The following ITGAV variants were observed in gnomAD, a reference collection of about 807,000 sequenced individuals.
ITGAV encodes the protein integrin subunit alpha V.
In ITGAV, 76 loss-of-function variants were observed where a neutral mutation model predicts 143.8. The ratio of observed to expected loss-of-function variants is 0.53; its 90% CI spans 0.44 to 0.64. The LOEUF (loss-of-function observed/expected upper bound fraction) is 0.64, where lower values mean the gene tolerates loss of function less well. Ranked by LOEUF, ITGAV falls within the 30% of genes least tolerant of loss-of-function variation. ITGAV has a pLI of 0.00. For missense variants in ITGAV, 1,193 were observed against 1,274.7 expected (o/e 0.94, Z 0.98); for synonymous variants, 453 against 446.7 (o/e 1.01, Z -0.18).
At chr2:186,661,574 A>C (rs887602580) in intron 18 of ITGAV, among the ~76,000 whole-genome samples, 1 of 149,008 alleles carries the variant, frequency 6.7e-6, no homozygotes, top group African/African-American at 2.5e-5. Flanking sequence ...TCATTCAAAT[A>C]CACATTAAGT....
rs563341922 is a variant in ITGAV at position 186,610,259 on chromosome 2, G to A, written c.316+8108G>A. Among the ~76,000 whole-genome samples, 12 of 152,172 alleles carry A rather than the reference G, an allele frequency of 7.9e-5. No homozygotes were observed. The South Asian group carries it at 8.3e-4, about 11-fold the overall frequency. The stretch of plus-strand genomic sequence containing the variant: ...ACAATCCAGGATAGAAAAGTTACTC[G>A]CTGCTTTGATTTTTGAATAATATTT... On this transcript the variant is annotated intron_variant, in intron 2 of 29. Transcript: ENST00000261023.
intron 1 of ITGAV, chr2:186,600,298 T>TCCCCCCC: frequency 2.0e-6 from 3 of 1,528,530 alleles, no homozygotes; most frequent in South Asian, 1.2e-5. Flanking sequence ...ACTTCCCTCA[T>TCCCCCCC]CCCCACCCCC....
intron 2 of ITGAV, among the ~76,000 whole-genome samples, chr2:186,606,811 C>G (rs929365816): frequency 6.6e-6 from 1 of 151,972 alleles, no homozygotes; most frequent in Non-Finnish European, 1.5e-5. Context: ...GTTGTGGCAC[C>G]GACCCAACCC....
intron 18 of ITGAV, among the ~76,000 whole-genome samples, chr2:186,661,713 C>T (rs1688751343): frequency 6.6e-6 from 1 of 151,742 alleles, no homozygotes; most frequent in African/African-American, 2.4e-5. Flanking sequence ...TACCCTGCCT[C>T]AGCCTCCTGA....
Position 186,659,171 on chromosome 2 carries a change from G to A in ITGAV, c.1853G>A (p.Arg618Gln), listed in dbSNP as rs745538827. The A allele has an allele frequency of 5.6e-6, 9 of 1,602,370 alleles. No homozygotes were observed. Among genetic ancestry groups the A allele is most frequent in the South Asian group, 2.3e-5 (2 of 88,836 alleles). ...LNQFTPANIS[R>Q]QAHILLDCGE... The stretch of plus-strand genomic sequence containing the variant: ...CAGTTCACGCCTGCTAACATTAGTC[G>A]ACAGGTACTGTACTCAGTTTACCAC... The change falls in exon 18 of 30, where the codon CGA becomes CAA. Residue 618 changes from arginine (R) to glutamine (Q), a missense_variant. Transcript: ENST00000261023.
rs1687941881 is a variant in ITGAV at position 186,636,165 on chromosome 2, G to A, written c.715G>A (p.Ala239Thr). 1 of 1,612,724 alleles carries A rather than the reference G, an allele frequency of 6.2e-7. No homozygotes were observed. The highest frequency in any genetic ancestry group is 1.3e-5 in the African/African-American group (1 of 74,862). Residue 239 changes from alanine (A) to threonine (T), a missense_variant, in exon 7 of 30, where the codon GCA becomes ACA. Physicochemically the swap from Ala to Thr is moderately conservative, Grantham distance 58. Coordinates refer to ENST00000261023, the MANE Select transcript of ITGAV (RefSeq NM_002210.5). ...VYSIKYNNQLATRTAQAIFDD... is the reference protein window; with the variant it reads ...VYSIKYNNQLTTRTAQAIFDD... Reference sequence around the variant, plus strand: ...CAGCATCAAGTATAATAACCAATTAGCAACTCGGACTGCACAAGCTATTTT... The same window carrying A: ...CAGCATCAAGTATAATAACCAATTAACAACTCGGACTGCACAAGCTATTTT...
intron 26 of ITGAV, 66 bp from the exon 27 acceptor site, chr2:186,675,538 A>G (rs1689183160): frequency 7.0e-6 from 9 of 1,278,118 alleles, no homozygotes; most frequent in South Asian, 1.2e-5. Flanking sequence ...AAAAATGGCA[A>G]ATTTTCAAAT....
chr2:186,592,508 C>A (rs1686640961), intron 1 of ITGAV, among the ~76,000 whole-genome samples: 1 of 151,394 alleles, frequency 6.6e-6, no homozygotes, highest in African/African-American at 2.4e-5. Flanking sequence ...TACAATGTTA[C>A]TGTTAATTCT....
At chr2:186,623,320 T>G (rs1030424331) in intron 3 of ITGAV, among the ~76,000 whole-genome samples, 1 of 152,236 alleles carries the variant, frequency 6.6e-6, no homozygotes, top group African/African-American at 2.4e-5. Context: ...TTTCTTGCAC[T>G]GTCAGCATTA....
At chr2:186,643,165 G>T (rs553459456) in intron 12 of ITGAV, among the ~76,000 whole-genome samples, 1 of 152,138 alleles carries the variant, frequency 6.6e-6, no homozygotes, top group African/African-American at 2.4e-5. Flanking sequence ...TGTTATTCCA[G>T]TTACTTTAAA....
chr2:186,656,472 C>A, intron 17 of ITGAV, 71 bp downstream of exon 17: 1 of 1,161,644 alleles, frequency 8.6e-7, no homozygotes, highest in Non-Finnish European at 1.2e-6. Flanking sequence ...ATGATTTTCA[C>A]TTTCTGTAAA....
At chr2:186,650,010 A>G (rs1688380344) in intron 14 of ITGAV, 125 bp downstream of exon 14, 1 of 617,628 alleles carries the variant, frequency 1.6e-6, no homozygotes, top group Non-Finnish European at 2.7e-6. Context: ...TGCTCTTTCT[A>G]TTCATGATTT....
intron 14 of ITGAV, among the ~76,000 whole-genome samples, chr2:186,650,789 A>T (rs914303080): frequency 1.3e-5 from 2 of 152,116 alleles, no homozygotes; most frequent in Admixed American, 1.3e-4. Context: ...GGCTCAAGTG[A>T]TCCACCAGCC....
intron 20 of ITGAV, 144 bp from the exon 21 acceptor site, chr2:186,664,982 T>C (rs1688849103): frequency 4.8e-6 from 3 of 624,784 alleles, no homozygotes; most frequent in Admixed American, 3.0e-5. Flanking sequence ...CATGTGGCAA[T>C]TGTACCCAAT....
chr2:186,677,442 C>G lies in ITGAV; in HGVS notation c.*150C>G. The G allele has an allele frequency of 1.7e-6, 1 of 598,196 alleles. No individual in the cohort carries two copies. Among genetic ancestry groups the G allele is most frequent in the Non-Finnish European group, 3.0e-6 (1 of 333,548 alleles). 37.1% of individuals were successfully genotyped at this position (598,196 alleles called of 1,614,324 possible). A position where few individuals can be genotyped will look rare whatever the true frequency, so the allele number is the denominator to read the frequency against. On this transcript the variant is annotated 3_prime_UTR_variant, in exon 30 of 30. Coordinates refer to ENST00000261023, the MANE Select transcript of ITGAV (RefSeq NM_002210.5). ...ACCACAAAATGAGAATTATATTTGT[C>G]AACCTTCTCCTTATAAATAAGTTCA...
chr2:186,657,087 G>C (rs938662116), intron 17 of ITGAV, among the ~76,000 whole-genome samples: 1 of 151,650 alleles, frequency 6.6e-6, no homozygotes, highest in African/African-American at 2.4e-5. Context: ...GCACAAATTT[G>C]TATAAAATGT....
intron 1 of ITGAV, among the ~76,000 whole-genome samples, chr2:186,592,106 G>A (rs1374088414): frequency 6.6e-6 from 1 of 152,152 alleles, no homozygotes; most frequent in Non-Finnish European, 1.5e-5. Flanking sequence ...AAATTCTAAT[G>A]ATTTTGAAAA....
At chr2:186,676,729 A>T in intron 28 of ITGAV, 84 bp from the exon 29 acceptor site, 1 of 1,381,034 alleles carries the variant, frequency 7.2e-7, no homozygotes, top group Non-Finnish European at 9.8e-7. Flanking sequence ...GAATTCCATT[A>T]AAATAAAATA....
At chr2:186,652,191 A>G (rs1425921554) in intron 15 of ITGAV, 102 bp downstream of exon 15, 3 of 698,170 alleles carry the variant, frequency 4.3e-6, no homozygotes, top group Non-Finnish European at 7.5e-6. Context: ...TTGCTAAAAC[A>G]GTTTCTGTGA....
Sources: gnomAD v4.1 joint callset for allele counts (sites outside exome capture counted in the v4.1 genomes callset) on GRCh38, gnomAD v4.1.1 for gene constraint, MANE v1.5 for transcripts, NCBI Gene and HGNC (gene_info 2026-07-23, HGNC 2026-07-21) for gene names.